Variants in PRKCH observed in about 807,000 individuals in gnomAD.
The protein encoded by PRKCH is protein kinase C eta type.
In PRKCH, 28 loss-of-function variants were observed where a neutral mutation model predicts 82.5. The ratio of observed to expected loss-of-function variants is 0.34; its 90% CI spans 0.25 to 0.47. The LOEUF (loss-of-function observed/expected upper bound fraction) is 0.47, where lower values mean the gene tolerates loss of function less well. Among genes scored for constraint, PRKCH ranks in the 20% least tolerant of loss-of-function variants. The pLI is 1.00. For missense variants in PRKCH, 705 were observed against 881.8 expected (o/e 0.80, Z 2.54); for synonymous variants, 322 against 327.4 (o/e 0.98, Z 0.18).
At chr14:61,226,384 C>T (rs1484190689) in intron 1 of PRKCH, among the ~76,000 whole-genome samples, 1 of 152,218 alleles carries the variant, frequency 6.6e-6, no homozygotes, top group African/African-American at 2.4e-5. Flanking sequence ...AGCAAGTCAT[C>T]ATTTCTCTAA....
At chr14:61,526,109 C>T (rs1246626318) in intron 10 of PRKCH, among the ~76,000 whole-genome samples, 1 of 152,314 alleles carries the variant, frequency 6.6e-6, no homozygotes, top group Middle Eastern at 3.4e-3. Flanking sequence ...TCCCGTCCTG[C>T]GCTGCTACGA....
At chr14:61,500,122 C>A (rs760623452) in intron 10 of PRKCH, among the ~76,000 whole-genome samples, 10 of 150,842 alleles carry the variant, frequency 6.6e-5, no homozygotes, top group Non-Finnish European at 1.5e-4. Context: ...TCTTCTCTTA[C>A]GAAATCAGAA....
intron 1 of PRKCH, among the ~76,000 whole-genome samples, chr14:61,324,555 T>A (rs1294362856): frequency 6.6e-6 from 1 of 152,178 alleles, no homozygotes; most frequent in African/African-American, 2.4e-5. Flanking sequence ...AAAGAAAATC[T>A]TGTTAAAAAA....
chr14:61,368,054 C>A (rs1027304953), intron 1 of PRKCH, among the ~76,000 whole-genome samples: 2 of 151,898 alleles, frequency 1.3e-5, no homozygotes, highest in Admixed American at 6.6e-5. Flanking sequence ...AGTATGAGGG[C>A]CTTGGAGGAG....
intron 1 of PRKCH, among the ~76,000 whole-genome samples, chr14:61,269,240 G>A (rs1024499009): frequency 1.3e-5 from 2 of 151,962 alleles, no homozygotes; most frequent in Non-Finnish European, 2.9e-5. Context: ...AATATTATTT[G>A]AATAAAAATT....
At chr14:61,262,180 C>T (rs1451402375) in intron 1 of PRKCH, among the ~76,000 whole-genome samples, 1 of 140,700 alleles carries the variant, frequency 7.1e-6, no homozygotes, top group Non-Finnish European at 1.5e-5. Context: ...AAGATCGGCA[C>T]CACTGCACTC....
intron 1 of PRKCH, among the ~76,000 whole-genome samples, chr14:61,309,278 G>A (rs200302194): frequency 6.6e-6 from 1 of 151,906 alleles, no homozygotes; most frequent in African/African-American, 2.4e-5. Flanking sequence ...GTGAGACCCT[G>A]TCTCAAAAAA....
chr14:61,510,824 A>G (rs1331694321), intron 10 of PRKCH, among the ~76,000 whole-genome samples: 5 of 152,130 alleles, frequency 3.3e-5, no homozygotes, highest in Non-Finnish European at 4.4e-5. Context: ...GATTTGTGCA[A>G]TGATTGAATT....
At chr14:61,261,990 G>A (rs2045049202) in intron 1 of PRKCH, among the ~76,000 whole-genome samples, 1 of 152,080 alleles carries the variant, frequency 6.6e-6, no homozygotes, top group African/African-American at 2.4e-5. Context: ...GGGAGGCCGA[G>A]GCGGGCAAAT....
At chr14:61,216,889 G>A (rs570583057) in intron 1 of PRKCH, among the ~76,000 whole-genome samples, 73 of 152,304 alleles carry the variant, frequency 4.8e-4, no homozygotes, top group Middle Eastern at 6.8e-3. Flanking sequence ...AAGTTATTCT[G>A]GCGTTTAAAA....
chr14:61,543,311 G>A (rs757365464), intron 12 of PRKCH: 1 of 152,284 alleles, frequency 6.6e-6, no homozygotes, highest in African/African-American at 2.4e-5. Flanking sequence ...TCTCATTCTC[G>A]GGGCCAGGTG....
chr14:61,215,809 T>C (rs1387496047), intron 1 of PRKCH, among the ~76,000 whole-genome samples: 1 of 152,166 alleles, frequency 6.6e-6, no homozygotes, highest in African/African-American at 2.4e-5. Context: ...TATTTAGAAG[T>C]ATGTGCCAAA....
chr14:61,261,842 A>G (rs1025356918), intron 1 of PRKCH, among the ~76,000 whole-genome samples: 1 of 152,176 alleles, frequency 6.6e-6, no homozygotes, highest in Non-Finnish European at 1.5e-5. Context: ...ATAAACAGGC[A>G]TCTACCCTAC....
rs34549131 is a variant in PRKCH at position 61,202,655 on chromosome 14, T to C, written c.-19+14987T>C. On this transcript the variant is annotated intron_variant, in intron 1 of 3. Transcript: ENST00000555185. ...CTTTTGTATGTTTTACCCATTTTAA[T>C]CATCACAATAGCCAAGTGAGGTTAG... Among the ~76,000 whole-genome samples the C allele has an allele frequency of 7.0e-3, 1,068 of 152,204 alleles. 7 individuals are homozygous for C. Among genetic ancestry groups the C allele is most frequent in the Non-Finnish European group, 0.012 (804 of 68,020 alleles).
At chr14:61,286,277 A>C (rs1349726845) in intron 1 of PRKCH, among the ~76,000 whole-genome samples, 1 of 152,220 alleles carries the variant, frequency 6.6e-6, no homozygotes, top group East Asian at 1.9e-4. Context: ...AGTTTTAAAA[A>C]AATTCTTTGT....
rs756851217 is a variant in PRKCH, at chr14:61,547,851, C to T, written c.1870C>T (p.His624Tyr). ...FKEIDWAQLNHRQIEPPFRPR... is the reference protein window; with the variant it reads ...FKEIDWAQLNYRQIEPPFRPR... ...GGAAATCGACTGGGCCCAGCTGAAC[C>T]ATCGCCAAATAGAACCGCCTTTCAG... Residue 624 changes from histidine (H) to tyrosine (Y), a missense_variant, in exon 13 of 14, where the codon CAT (histidine) becomes TAT (tyrosine). By Grantham distance (83) the His-to-Tyr change is moderately conservative. Coordinates refer to ENST00000332981, the MANE Select transcript of PRKCH (RefSeq NM_006255.5). The T allele has an allele frequency of 6.2e-6, 10 of 1,613,946 alleles. No homozygotes were observed. In the East Asian group the frequency reaches 1.6e-4, roughly 25 times the overall value.
chr14:61,301,461 A>C (rs1242029308), intron 1 of PRKCH, among the ~76,000 whole-genome samples: 1 of 152,226 alleles, frequency 6.6e-6, no homozygotes, highest in African/African-American at 2.4e-5. Context: ...TAAGATTTAA[A>C]ATGTCAGAAT....
In PRKCH at chr14:61,381,170, G is replaced by A. The variant is rs543344198; in HGVS notation, c.364-10055G>A. On this transcript the variant is annotated intron_variant, in intron 1 of 13. Transcript: ENST00000332981. Reference sequence around the variant, plus strand: ...CTCTGTTTTTGAGATGCCGAAGCCAGGTGACTTCCCCTAGTGGCAGGTAGG... The same window carrying A: ...CTCTGTTTTTGAGATGCCGAAGCCAAGTGACTTCCCCTAGTGGCAGGTAGG... Among the ~76,000 whole-genome samples the A allele has an allele frequency of 1.4e-4, 21 of 152,312 alleles. No individual in the cohort carries two copies. In the South Asian group the frequency reaches 4.3e-3, roughly 32 times the overall value.
At chr14:61,362,374 A>T (rs1229297030) in intron 1 of PRKCH, among the ~76,000 whole-genome samples, 1 of 151,224 alleles carries the variant, frequency 6.6e-6, no homozygotes, top group African/African-American at 2.4e-5. Context: ...ACAAGGGGCC[A>T]AGGGAAATGG....
Sources: gnomAD v4.1 joint callset for allele counts (sites outside exome capture counted in the v4.1 genomes callset) on GRCh38, gnomAD v4.1.1 for gene constraint, MANE v1.5 for transcripts, NCBI Gene and HGNC (gene_info 2026-07-23, HGNC 2026-07-21) for gene names.